LOC400499: variants seen among roughly 807,000 people sequenced by gnomAD.
chr16:11,481,282 G>A, the LOC400499 span, among the ~76,000 whole-genome samples: 2 of 152,212 alleles, frequency 1.3e-5, no homozygotes, highest in Non-Finnish European at 2.9e-5. Context: ...GACAGAAGTG[G>A]TGGTGGCACA....
the LOC400499 span, among the ~76,000 whole-genome samples, chr16:11,373,179 G>A: frequency 4.6e-5 from 7 of 152,330 alleles, no homozygotes; most frequent in South Asian, 1.5e-3. Flanking sequence ...GAGATCTTCA[G>A]TACAGCATGC....
the LOC400499 span, among the ~76,000 whole-genome samples, chr16:11,447,372 C>G: frequency 6.6e-6 from 1 of 152,120 alleles, no homozygotes; most frequent in South Asian, 2.1e-4. Context: ...CACAAGCTCC[C>G]CAAGGGCAAA....
chr16:11,420,744 C>T, the LOC400499 span, among the ~76,000 whole-genome samples: 1 of 152,040 alleles, frequency 6.6e-6, no homozygotes, highest in Non-Finnish European at 1.5e-5. Context: ...AAGAATGAGC[C>T]GCGGCCCAGC....
chr16:11,508,338 C>G, the LOC400499 span, among the ~76,000 whole-genome samples: 2 of 152,218 alleles, frequency 1.3e-5, no homozygotes, highest in East Asian at 1.9e-4. Flanking sequence ...CCAGGAGTTT[C>G]GGAGGAGGCC....
At chr16:11,504,662 C>A in the LOC400499 span, among the ~76,000 whole-genome samples, 1 of 152,162 alleles carries the variant, frequency 6.6e-6, no homozygotes, top group South Asian at 2.1e-4. Context: ...GTGGCTCATG[C>A]CTGTAATGCC....
At chr16:11,452,391 A>C in the LOC400499 span, among the ~76,000 whole-genome samples, 2 of 152,098 alleles carry the variant, frequency 1.3e-5, no homozygotes, top group Non-Finnish European at 2.9e-5. Flanking sequence ...GAGAGTGGCC[A>C]CTGCTGCGGG....
the LOC400499 span, among the ~76,000 whole-genome samples, chr16:11,464,170 T>TGTACGG: frequency 6.6e-6 from 1 of 151,674 alleles, no homozygotes; most frequent in South Asian, 2.1e-4. Context: ...TATGGACATG[T>TGTACGG]GTATGTCATA....
chr16:11,518,303 G>C, the LOC400499 span, among the ~76,000 whole-genome samples: 1 of 152,190 alleles, frequency 6.6e-6, no homozygotes, highest in African/African-American at 2.4e-5. Context: ...AGAAGGAGTT[G>C]TCTTCAGGCT....
chr16:11,418,042 T>C, the LOC400499 span, among the ~76,000 whole-genome samples: 39,320 of 151,980 alleles, frequency 0.26, 5,339 homozygotes, highest in Non-Finnish European at 0.3. Flanking sequence ...CAGGAGACCG[T>C]AGAGAAAACG....
the LOC400499 span, chr16:11,393,257 G>C: frequency 3.5e-6 from 2 of 573,332 alleles, no homozygotes; most frequent in African/African-American, 2.0e-5. Context: ...GCCTCCCAAA[G>C]TGCTAGGATT....
At chr16:11,479,953 T>C in the LOC400499 span, among the ~76,000 whole-genome samples, 2 of 152,196 alleles carry the variant, frequency 1.3e-5, no homozygotes, top group African/African-American at 4.8e-5. Flanking sequence ...TTTTTATAAA[T>C]TGAATTTGGA....
chr16:11,418,591 C>T, the LOC400499 span, among the ~76,000 whole-genome samples: 34,975 of 152,114 alleles, frequency 0.23, 4,527 homozygotes, highest in Non-Finnish European at 0.29. Flanking sequence ...CAAGAAATAG[C>T]CATAAAAATG....
At chr16:11,408,764 G>C in the LOC400499 span, among the ~76,000 whole-genome samples, 12 of 152,162 alleles carry the variant, frequency 7.9e-5, no homozygotes, top group East Asian at 2.3e-3. Flanking sequence ...CATCCAGTTG[G>C]GACTTTTCTG....
chr16:11,511,002 C>CT, the LOC400499 span, among the ~76,000 whole-genome samples: 2,805 of 143,578 alleles, frequency 0.02, 138 homozygotes, highest in African/African-American at 0.062. Context: ...TGATGATTTT[C>CT]TTTTTTTTTT....
the LOC400499 span, chr16:11,457,089 G>T: frequency 6.8e-7 from 1 of 1,465,226 alleles, no homozygotes; most frequent in African/African-American, 1.4e-5. Flanking sequence ...TGCCACCCCT[G>T]GCGTAGAATG....
At chr16:11,390,592 C>T in the LOC400499 span, 1 of 719,394 alleles carries the variant, frequency 1.4e-6, no homozygotes, top group Non-Finnish European at 1.9e-6. Flanking sequence ...GCTGGGGGAA[C>T]TGGAACAGAG....
At chr16:11,397,859 G>C in the LOC400499 span, among the ~76,000 whole-genome samples, 2 of 151,998 alleles carry the variant, frequency 1.3e-5, no homozygotes, top group African/African-American at 4.8e-5. Context: ...TGGATGGAGA[G>C]AGAGGGTACA....
the LOC400499 span, among the ~76,000 whole-genome samples, chr16:11,476,370 G>T: frequency 1.3e-5 from 2 of 151,956 alleles, no homozygotes; most frequent in South Asian, 2.1e-4. Context: ...GAGCTGAGGG[G>T]TCTGAAAGTT....
the LOC400499 span, chr16:11,412,759 G>A: frequency 2.5e-5 from 10 of 397,598 alleles, no homozygotes; most frequent in Non-Finnish European, 4.4e-5. Flanking sequence ...ATTGAGAGGT[G>A]CTGTGTCCAG....
Sources: allele counts gnomAD v4.1 joint callset (sites outside exome capture counted in the v4.1 genomes callset), GRCh38; gene constraint gnomAD v4.1.1; transcripts MANE v1.5.